Variants in ZNF592 observed in about 807,000 individuals in gnomAD.
The protein encoded by ZNF592 is zinc finger protein 592.
A neutral mutation model predicts 80.3 loss-of-function variants in ZNF592; 11 were observed. The ratio of observed to expected loss-of-function variants is 0.14; its 90% confidence interval spans 0.09 to 0.23. The LOEUF (loss-of-function observed/expected upper bound fraction) is 0.23. Ranked by LOEUF, ZNF592 falls within the 10% of genes least tolerant of loss-of-function variation. The pLI is 1.00. For missense variants in ZNF592, 1,420 were observed against 1,633.9 expected (o/e 0.87, Z 2.26); for synonymous variants, 646 against 640.3 (o/e 1.01, Z -0.13).
Position 84,783,613 on chromosome 15 carries a change from G to C in ZNF592, c.938G>C (p.Gly313Ala), listed in dbSNP as rs760363194. Residue 313 changes from glycine to alanine, a missense_variant, in exon 4 of 11, where the codon GGG becomes GCG. Transcript: ENST00000560079. This position sits in a 1 kb window ranked among gnomAD's most constrained non-coding sequence, Gnocchi z 5.0. ...DQPGHTKDLS[G>A]PTKESSKGSP... ...CCTGGCCACACAAAGGATCTCTCAG[G>C]GCCCACTAAAGAGAGTTCTAAAGGT... 6.2e-7 allele frequency: 1 copy of C among 1,614,192 alleles called. No individual in the cohort carries two copies. The highest frequency in any genetic ancestry group is 1.1e-5 in the South Asian group (1 of 91,088).
rs1432630650 is a variant in ZNF592 at position 84,777,694 on chromosome 15, C to CCTTTTTTTTTTTTTTTTTTTT, written c.-149-489_-149-488insCTTTTTTTTTTTTTTTTTTTT. Among the ~76,000 whole-genome samples, 23 of 98,414 alleles carry CCTTTTTTTTTTTTTTTTTTTT rather than the reference C, an allele frequency of 2.3e-4. 9 individuals carry two copies. Among genetic ancestry groups the CCTTTTTTTTTTTTTTTTTTTT allele is most frequent in the Non-Finnish European group, 2.2e-4 (11 of 50,148 alleles). 64.6% of individuals were successfully genotyped at this position (98,414 alleles called of 152,430 possible). Reference sequence around the variant, plus strand: ...GAAAATAATTTCGTCTGTTGAGATACTTTTTTTTTTTTTTTTTTTTTTTGA... The same window carrying CCTTTTTTTTTTTTTTTTTTTT: ...GAAAATAATTTCGTCTGTTGAGATACCTTTTTTTTTTTTTTTTTTTTTTTTTTTTTTTTTTTTTTTTTTTGA... On this transcript the variant is annotated intron_variant, in intron 2 of 10. Coordinates refer to ENST00000560079, the MANE Select transcript of ZNF592 (RefSeq NM_014630.3).
chr15:84,792,398 C>T (rs533924994), intron 5 of ZNF592, among the ~76,000 whole-genome samples: 4 of 152,298 alleles, frequency 2.6e-5, no homozygotes, highest in South Asian at 2.1e-4. Flanking sequence ...GGGAAGCTAA[C>T]ACGTATATTA....
chr15:84,763,672 T>A (rs544998272), intron 1 of ZNF592, among the ~76,000 whole-genome samples: 1 of 152,340 alleles, frequency 6.6e-6, no homozygotes, highest in South Asian at 2.1e-4. Context: ...TTCTACATTT[T>A]TACATTAATA....
At chr15:84,774,413 G>C (rs1962181885) in intron 2 of ZNF592, among the ~76,000 whole-genome samples, 2 of 152,136 alleles carry the variant, frequency 1.3e-5, no homozygotes, top group South Asian at 4.1e-4. Context: ...AATTTTTCAT[G>C]AGTCCTTATT....
In ZNF592 at chr15:84,784,035, A is replaced by G; in HGVS notation, c.1360A>G (p.Lys454Glu). ...CAGGAAAGGGGACGAGAGCATGACA[A>G]AGGCCAGTGACTCGTCATCTCCCAG... ...GARKGDESMTKASDSSSPSCS... is the reference protein window; with the variant it reads ...GARKGDESMTEASDSSSPSCS... Residue 454 changes from lysine (K) to glutamate (E), a missense_variant, in exon 4 of 11, where the codon AAG becomes GAG. Lys to Glu is a moderately conservative substitution (Grantham distance 56). Transcript: ENST00000560079. The surrounding 1 kb of genome is among the most constrained non-coding windows in gnomAD (Gnocchi z 5.8). 6.2e-7 allele frequency: 1 copy of G among 1,612,330 alleles called. No individual in the cohort carries two copies. The highest frequency in any genetic ancestry group is 8.5e-7 in the Non-Finnish European group (1 of 1,178,572).
chr15:84,749,146 C>G (rs1197868002), intron 1 of ZNF592, among the ~76,000 whole-genome samples: 1 of 152,236 alleles, frequency 6.6e-6, no homozygotes, highest in Non-Finnish European at 1.5e-5. Flanking sequence ...CTCAGTACTC[C>G]CCTCCCCTGA....
intron 2 of ZNF592, among the ~76,000 whole-genome samples, chr15:84,771,250 C>T (rs1483788514): frequency 6.6e-6 from 1 of 152,090 alleles, no homozygotes; most frequent in African/African-American, 2.4e-5. Flanking sequence ...GGAAGAGAGG[C>T]TTGGGTGTCA....
chr15:84,791,740 G>A (rs1372262227), intron 5 of ZNF592, among the ~76,000 whole-genome samples: 1 of 152,200 alleles, frequency 6.6e-6, no homozygotes, highest in South Asian at 2.1e-4. Context: ...GGTCAGGAAA[G>A]CTTCCTAAAG....
intron 3 of ZNF592, among the ~76,000 whole-genome samples, chr15:84,779,000 G>T (rs935139680): frequency 7.2e-5 from 11 of 152,178 alleles, no homozygotes; most frequent in African/African-American, 2.7e-4. Flanking sequence ...GACACACGTG[G>T]AGTGGTTTTA....
At chr15:84,767,853 C>G (rs80022066) in intron 2 of ZNF592, among the ~76,000 whole-genome samples, 1 of 150,752 alleles carries the variant, frequency 6.6e-6, no homozygotes, top group Non-Finnish European at 1.5e-5. Context: ...CTTGTATTTT[C>G]TTTTTTTTTA....
At chr15:84,754,720 A>AG (rs1899115649) in intron 1 of ZNF592, among the ~76,000 whole-genome samples, 1 of 151,544 alleles carries the variant, frequency 6.6e-6, no homozygotes, top group East Asian at 1.9e-4. Flanking sequence ...AAAAAAAAAA[A>AG]AGAGAGGTAA....
intron 5 of ZNF592, among the ~76,000 whole-genome samples, chr15:84,792,343 C>T (rs571654714): frequency 6.6e-6 from 1 of 152,244 alleles, no homozygotes. Context: ...GAAGGATTTG[C>T]AGCAGGGCAG....
chr15:84,785,865 TAA>T (rs35020131), intron 4 of ZNF592, among the ~76,000 whole-genome samples: 8 of 140,240 alleles, frequency 5.7e-5, no homozygotes, highest in African/African-American at 5.3e-5. Context: ...GAGATTCATT[TAA>T]AAAAAAAAAA....
rs557350087 is a variant in ZNF592 at position 84,802,474 on chromosome 15, G to A, written c.*81G>A. The stretch of plus-strand genomic sequence containing the variant: ...CCCTGCGGACCGTGGAAAATAAAAG[G>A]CTCTGCCCCCAGTGTGAGTGTGACC... On this transcript the variant is annotated 3_prime_UTR_variant, in exon 11 of 11. Transcript: ENST00000560079. 4 of 1,523,758 alleles carry A rather than the reference G, an allele frequency of 2.6e-6. No homozygotes were observed. Among genetic ancestry groups the A allele is most frequent in the Non-Finnish European group, 3.6e-6 (4 of 1,116,170 alleles). 94.4% of individuals were successfully genotyped at this position (1,523,758 alleles called of 1,614,324 possible).
At chr15:84,757,452 C>G (rs1032275921) in intron 1 of ZNF592, among the ~76,000 whole-genome samples, 1 of 151,442 alleles carries the variant, frequency 6.6e-6, no homozygotes, top group Admixed American at 6.6e-5. Context: ...CTCAAACAAT[C>G]CTTACACCTC....
In ZNF592 at chr15:84,801,899, G is replaced by A. The variant is rs1396751242; in HGVS notation, c.3310G>A (p.Asp1104Asn). 2.5e-6 allele frequency: 4 copies of A among 1,613,868 alleles called. 1 individual carries two copies. The South Asian group carries it at 3.3e-5, about 13-fold the overall frequency. ...HLKRPVSGVG[D>N]APGTSNGATV... ...GAAAAGACCAGTCAGTGGAGTGGGG[G>A]ACGCTCCAGGCACCAGCAATGGCGC... is the stretch of plus-strand genomic sequence containing the variant. Residue 1104 changes from aspartate (D) to asparagine (N), a missense_variant, in exon 11 of 11, where the codon GAC becomes AAC. By Grantham distance (23) the Asp-to-Asn change is conservative. Transcript: ENST00000560079.
rs766247346 is a variant in ZNF592 at position 84,758,373 on chromosome 15, A to G, written c.-258-6334A>G. On this transcript the variant is annotated intron_variant, in intron 1 of 10. Coordinates refer to ENST00000560079, the MANE Select transcript of ZNF592 (RefSeq NM_014630.3). ...TCATGGCTTACTGCAGCTTTGACCAACCAGGCTTAGGTGATCCTCCCACCT... is the reference window on the plus strand; with the variant it reads ...TCATGGCTTACTGCAGCTTTGACCAGCCAGGCTTAGGTGATCCTCCCACCT... Among the ~76,000 whole-genome samples the G allele has an allele frequency of 5.6e-4, 84 of 149,028 alleles. 1 individual carries two copies. Among genetic ancestry groups the G allele is most frequent in the Admixed American group, 5.5e-3 (83 of 14,956 alleles).
intron 4 of ZNF592, among the ~76,000 whole-genome samples, chr15:84,789,952 G>A (rs1450716393): frequency 6.6e-6 from 1 of 152,182 alleles, no homozygotes; most frequent in African/African-American, 2.4e-5. Flanking sequence ...CCATCAGAGC[G>A]TAATTAGTCT....
chr15:84,760,366 C>G (rs1327486674), intron 1 of ZNF592, among the ~76,000 whole-genome samples: 1 of 152,188 alleles, frequency 6.6e-6, no homozygotes, highest in Non-Finnish European at 1.5e-5. Flanking sequence ...ATGGCTTGCT[C>G]TCTCACTTCA....
Sources: allele counts gnomAD v4.1 joint callset (sites outside exome capture counted in the v4.1 genomes callset), GRCh38; gene constraint gnomAD v4.1.1; non-coding constraint Gnocchi (gnomAD v3.1); transcripts MANE v1.5; gene names NCBI Gene and HGNC (gene_info 2026-07-23, HGNC 2026-07-21).